Variants in FBXW11 observed in about 807,000 individuals in gnomAD.
The protein encoded by FBXW11 is F-box/WD repeat-containing protein 11.
Under a neutral mutation model 77.6 loss-of-function variants are expected in FBXW11, and 19 were observed. That is an observed-to-expected ratio of 0.24 (90% CI 0.17 to 0.36). FBXW11 has a LOEUF of 0.36. FBXW11 is among the 10% of genes least tolerant of loss of function. The probability of loss-of-function intolerance (pLI) is 1.00; values close to 1 mark genes in which losing one functional copy is unlikely to be tolerated. For missense variants in FBXW11, 334 were observed against 704.2 expected (o/e 0.47, Z 5.95); for synonymous variants, 235 against 249.4 (o/e 0.94, Z 0.54).
intron 1 of FBXW11, among the ~76,000 whole-genome samples, chr5:171,967,855 C>CATATATATATATATATATAT (rs375683631): frequency 3.4e-5 from 4 of 118,534 alleles, no homozygotes; most frequent in African/African-American, 1.6e-4. Flanking sequence ...AAAAAAAATG[C>CATATATATATATATATATAT]ATATATATAT....
chr5:171,881,121 G>GT (rs982190319), intron 7 of FBXW11, among the ~76,000 whole-genome samples: 3 of 151,936 alleles, frequency 2.0e-5, no homozygotes, highest in Non-Finnish European at 2.9e-5. Context: ...GTTCTAGGAG[G>GT]TTTTTTTTGT....
chr5:171,916,152 T>A (rs1241103146), intron 2 of FBXW11, among the ~76,000 whole-genome samples: 1 of 149,816 alleles, frequency 6.7e-6, no homozygotes, highest in African/African-American at 2.5e-5. Context: ...GACGAGTTAA[T>A]GGGTGGAGCA....
chr5:171,976,533 G>A (rs1194617063), intron 1 of FBXW11, among the ~76,000 whole-genome samples: 1 of 152,096 alleles, frequency 6.6e-6, no homozygotes, highest in Non-Finnish European at 1.5e-5. Context: ...CTGGGAGGTG[G>A]GGCTTAATGG....
intron 2 of FBXW11, among the ~76,000 whole-genome samples, chr5:171,922,563 A>C (rs887054767): frequency 6.6e-6 from 1 of 152,240 alleles, no homozygotes; most frequent in Non-Finnish European, 1.5e-5. Flanking sequence ...CTCATACATT[A>C]ACACAACCAC....
chr5:171,916,414 G>A (rs1282553826), intron 2 of FBXW11: 1 of 983,826 alleles, frequency 1.0e-6, no homozygotes, highest in Non-Finnish European at 1.2e-6. Context: ...TCCACAATGA[G>A]GGAGAGGGAC....
At chr5:171,988,026 C>A (rs1217246763) in intron 1 of FBXW11, among the ~76,000 whole-genome samples, 1 of 152,092 alleles carries the variant, frequency 6.6e-6, no homozygotes, top group Non-Finnish European at 1.5e-5. Context: ...TTTGATGGGG[C>A]CATGATACCG....
At chr5:171,952,631 T>G (rs1763405981) in intron 2 of FBXW11, among the ~76,000 whole-genome samples, 1 of 149,058 alleles carries the variant, frequency 6.7e-6, no homozygotes, top group Admixed American at 6.7e-5. Flanking sequence ...TTTTGTATTT[T>G]TAGTAGAGAC....
At chr5:171,913,832 C>CACACATACACAT (rs758638591) in intron 3 of FBXW11, among the ~76,000 whole-genome samples, 2 of 129,252 alleles carry the variant, frequency 1.5e-5, no homozygotes, top group East Asian at 2.3e-4. Context: ...CACACACACA[C>CACACATACACAT]ACACACACAC....
chr5:171,941,822 T>C (rs1186066096), intron 2 of FBXW11, among the ~76,000 whole-genome samples: 1 of 151,414 alleles, frequency 6.6e-6, no homozygotes, highest in Non-Finnish European at 1.5e-5. Context: ...AAATCCTTTG[T>C]GACTTTTAGG....
chr5:171,887,088 T>C (rs1758955277), intron 7 of FBXW11, among the ~76,000 whole-genome samples: 2 of 152,174 alleles, frequency 1.3e-5, no homozygotes, highest in Non-Finnish European at 2.9e-5. Context: ...TGGGAAACAC[T>C]GGGTGTCTGT....
Position 171,893,117 on chromosome 5 carries a change from A to G in FBXW11, c.715-1513T>C, listed in dbSNP as rs150554927. Among the ~76,000 whole-genome samples the G allele has an allele frequency of 4.3e-3, 656 of 152,222 alleles. 3 individuals are homozygous for G. Among genetic ancestry groups the G allele is most frequent in the African/African-American group, 0.014 (599 of 41,528 alleles). On this transcript the variant is annotated intron_variant, in intron 6 of 13. Transcript: ENST00000517395. ...ATTGTTCGCATTTTATAGAAAAGGA[A>G]ATGGAGGGTTGGAGATATCGATACA...
chr5:171,967,295 C>G (rs1173635734), intron 1 of FBXW11, among the ~76,000 whole-genome samples: 1 of 152,180 alleles, frequency 6.6e-6, no homozygotes, highest in Admixed American at 6.5e-5. Flanking sequence ...ATTCACATCA[C>G]TGTTCATAAT....
chr5:171,866,076 C>T (rs2113734151), intron 13 of FBXW11, among the ~76,000 whole-genome samples: 1 of 152,216 alleles, frequency 6.6e-6, no homozygotes. Flanking sequence ...ACCAGCCTGG[C>T]CAACATGGTG....
chr5:171,949,734 A>AC (rs1287378156), intron 2 of FBXW11, among the ~76,000 whole-genome samples: 3 of 152,194 alleles, frequency 2.0e-5, no homozygotes, highest in Non-Finnish European at 4.4e-5. Flanking sequence ...TTTTATGTAT[A>AC]CATATATTCC....
intron 1 of FBXW11, among the ~76,000 whole-genome samples, chr5:171,958,377 C>G (rs1185662517): frequency 6.6e-6 from 1 of 151,956 alleles, no homozygotes; most frequent in Non-Finnish European, 1.5e-5. Context: ...CACAGGAGAC[C>G]TAAAGAATAA....
chr5:171,939,120 C>T (rs1762618704), intron 2 of FBXW11, among the ~76,000 whole-genome samples: 1 of 151,946 alleles, frequency 6.6e-6, no homozygotes, highest in South Asian at 2.1e-4. Context: ...ACCTGTAATA[C>T]CAGCTACTTG....
chr5:172,006,549 G>A lies in FBXW11; in HGVS notation c.-47C>T. On this transcript the variant is annotated 5_prime_UTR_variant, in exon 1 of 14. Transcript: ENST00000517395. ...TCGCTCTCCCCGCGCAGCAGCGAAC[G>A]GCCCGGGCGGAGGAGGCGACGGCGG... The A allele has an allele frequency of 6.8e-7, 1 of 1,471,690 alleles. No individual in the cohort carries two copies. Among genetic ancestry groups the A allele is most frequent in the Non-Finnish European group, 9.0e-7 (1 of 1,108,672 alleles). The allele number at this position is 1,471,690 out of a possible 1,614,324, so 91.2% of individuals were successfully genotyped here.
chr5:171,976,322 A>G (rs935215246), intron 1 of FBXW11, among the ~76,000 whole-genome samples: 2 of 152,204 alleles, frequency 1.3e-5, no homozygotes, highest in African/African-American at 4.8e-5. Flanking sequence ...GAAAACACCA[A>G]GAGTTTAAGT....
intron 6 of FBXW11, among the ~76,000 whole-genome samples, chr5:171,892,001 AGAATTGTCTT>A (rs1347924401): frequency 3.3e-5 from 5 of 152,234 alleles, no homozygotes; most frequent in Non-Finnish European, 7.3e-5. Flanking sequence ...ATCCAAACAA[AGAATTGTCTT>A]GATCACTGAG....
Sources: allele counts gnomAD v4.1 joint callset (sites outside exome capture counted in the v4.1 genomes callset), GRCh38; gene constraint gnomAD v4.1.1; transcripts MANE v1.5; gene names NCBI Gene and HGNC (gene_info 2026-07-23, HGNC 2026-07-21).